The following UNC79 variants were observed in gnomAD, a reference collection of about 807,000 sequenced individuals.
UNC79 encodes the protein unc-79 subunit of NALCN channel complex.
In UNC79, 37 loss-of-function variants were observed where a neutral mutation model predicts 283.1. The observed-to-expected ratio is 0.13, with a 90% confidence interval of 0.10 to 0.17. UNC79 has a LOEUF of 0.17. Ranked by LOEUF, UNC79 falls within the 10% of genes least tolerant of loss-of-function variation. UNC79 has a pLI of 1.00. For missense variants in UNC79, 2,272 were observed against 3,211.1 expected (o/e 0.71, Z 7.07); for synonymous variants, 1,107 against 1,200.2 (o/e 0.92, Z 1.61).
chr14:93,543,929 C>CT (rs998296656), intron 14 of UNC79, among the ~76,000 whole-genome samples: 67 of 152,282 alleles, frequency 4.4e-4, no homozygotes, highest in African/African-American at 1.5e-3. Flanking sequence ...TCAGAGTGAT[C>CT]TGTGCATTTA....
intron 14 of UNC79, among the ~76,000 whole-genome samples, chr14:93,564,766 G>T (rs2062774929): frequency 7.2e-6 from 1 of 138,920 alleles, no homozygotes; most frequent in South Asian, 2.3e-4. Flanking sequence ...GGCTGGCAGG[G>T]GTGGGGGTCA....
At chr14:93,604,478 G>A (rs1337753059) in intron 26 of UNC79, among the ~76,000 whole-genome samples, 1 of 152,150 alleles carries the variant, frequency 6.6e-6, no homozygotes, top group Non-Finnish European at 1.5e-5. Flanking sequence ...TTTTCAGGGA[G>A]CAAAGATAAT....
At chr14:93,412,541 G>C (rs554611277) in intron 1 of UNC79, among the ~76,000 whole-genome samples, 1 of 152,006 alleles carries the variant, frequency 6.6e-6, no homozygotes, top group Non-Finnish European at 1.5e-5. Context: ...AGCAGCAAGA[G>C]AAAATAAAGA....
At chr14:93,533,623 G>C (rs1261622002) in intron 11 of UNC79, among the ~76,000 whole-genome samples, 1 of 152,130 alleles carries the variant, frequency 6.6e-6, no homozygotes, top group Non-Finnish European at 1.5e-5. Context: ...CTTGTTCACA[G>C]GTGGCAGTCT....
intron 34 of UNC79, 100 bp from the exon 38 acceptor site, chr14:93,646,508 C>G (rs2069622234): frequency 3.6e-6 from 4 of 1,123,398 alleles, no homozygotes; most frequent in Non-Finnish European, 5.3e-6. Context: ...ACATGTCTCC[C>G]CATCTAAACT....
intron 1 of UNC79, among the ~76,000 whole-genome samples, chr14:93,388,615 C>T (rs2054825021): frequency 6.6e-6 from 1 of 152,186 alleles, no homozygotes; most frequent in Admixed American, 6.5e-5. Context: ...CATTACTCTG[C>T]ATCTTCATCA....
At chr14:93,618,422 A>T in intron 29 of UNC79, 68 bp downstream of exon 30, 1 of 1,410,256 alleles carries the variant, frequency 7.1e-7, no homozygotes, top group Non-Finnish European at 9.3e-7. Flanking sequence ...ATGTTTTCTT[A>T]GGAGATAGAA....
At chr14:93,434,634 C>T (rs565885388) in intron 1 of UNC79, among the ~76,000 whole-genome samples, 2 of 152,288 alleles carry the variant, frequency 1.3e-5, no homozygotes, top group East Asian at 3.9e-4. Context: ...TAGAATCAGA[C>T]TGCTGCCTGG....
intron 7 of UNC79, among the ~76,000 whole-genome samples, chr14:93,498,979 G>T (rs973862848): frequency 6.6e-6 from 1 of 152,128 alleles, no homozygotes; most frequent in African/African-American, 2.4e-5. Context: ...TCACATTATT[G>T]TTATTTACAA....
chr14:93,585,894 T>TA (rs1288770931), intron 20 of UNC79, among the ~76,000 whole-genome samples: 1 of 151,600 alleles, frequency 6.6e-6, no homozygotes, highest in African/African-American at 2.4e-5. Context: ...TTTTTTTTTT[T>TA]TTTTTGAGAC....
At chr14:93,419,926 A>C (rs933900267) in intron 1 of UNC79, among the ~76,000 whole-genome samples, 2 of 151,500 alleles carry the variant, frequency 1.3e-5, no homozygotes, top group African/African-American at 4.8e-5. Flanking sequence ...AATTAAAAAT[A>C]ACTAAATAAA....
chr14:93,337,990 C>T (rs2053617026), intron 1 of UNC79, among the ~76,000 whole-genome samples: 1 of 152,166 alleles, frequency 6.6e-6, no homozygotes. Flanking sequence ...AGCCAGTGTA[C>T]CTGGCTGTGT....
chr14:93,520,043 C>A (rs1246672230), intron 7 of UNC79, among the ~76,000 whole-genome samples: 1 of 151,876 alleles, frequency 6.6e-6, no homozygotes, highest in South Asian at 2.1e-4. Flanking sequence ...GTATCATTTT[C>A]CTTTAGCCCG....
At chr14:93,687,931 A>C (rs905273854) in intron 43 of UNC79, among the ~76,000 whole-genome samples, 4 of 152,154 alleles carry the variant, frequency 2.6e-5, no homozygotes, top group African/African-American at 4.8e-5. Context: ...ATTGGGAAAC[A>C]AATCAGAAGG....
rs563298659 is a variant in UNC79 at position 93,373,416 on chromosome 14, AAG to A, written c.-351+39900_-351+39901del. ...TAGCCAGGCTATCTGAGAAAAAAAAAAGAGAGAGGACACAAATTACTAATATC... is the reference window on the plus strand; with the variant it reads ...TAGCCAGGCTATCTGAGAAAAAAAAAAGAGAGGACACAAATTACTAATATC... On this transcript the variant is annotated intron_variant, in intron 1 of 49. Coordinates refer to the UNC79 transcript ENST00000256339. Among the ~76,000 whole-genome samples the A allele has an allele frequency of 2.2e-4, 33 of 152,282 alleles. No homozygotes were observed. In the South Asian group the frequency reaches 6.2e-3, roughly 29 times the overall value.
chr14:93,689,359 G>T, intron 44 of UNC79: 1 of 153,870 alleles, frequency 6.5e-6, no homozygotes, highest in Non-Finnish European at 1.4e-5. Flanking sequence ...CCTGTCCAGA[G>T]GAAAAGTGTA....
At chr14:93,556,965 A>C (rs2141367873) in intron 14 of UNC79, among the ~76,000 whole-genome samples, 1 of 152,336 alleles carries the variant, frequency 6.6e-6, no homozygotes. Flanking sequence ...GTCTTGATAC[A>C]GACCCCAAGA....
intron 15 of UNC79, among the ~76,000 whole-genome samples, chr14:93,572,408 A>G (rs1208459953): frequency 6.6e-6 from 1 of 152,256 alleles, no homozygotes. Context: ...TTTAGATGCT[A>G]GGGAGCAATG....
chr14:93,537,108 G>A (rs4905078), intron 11 of UNC79, among the ~76,000 whole-genome samples: 39,179 of 151,988 alleles, frequency 0.26, 5,673 homozygotes, highest in East Asian at 0.72. Context: ...CCCCCTTGGG[G>A]GTGTTCACAT....
Sources: allele counts gnomAD v4.1 joint callset (sites outside exome capture counted in the v4.1 genomes callset), GRCh38; gene constraint gnomAD v4.1.1; transcripts MANE v1.5; gene names NCBI Gene and HGNC (gene_info 2026-07-23, HGNC 2026-07-21).